Variants in SLC28A2 observed in about 807,000 individuals in gnomAD.
The protein encoded by SLC28A2 is sodium/nucleoside cotransporter 2.
Under a neutral mutation model 72.9 loss-of-function variants are expected in SLC28A2, and 69 were observed. That is an observed-to-expected ratio of 0.95 (90% confidence interval 0.78 to 1.16). The LOEUF is 1.16. Ranked by LOEUF, SLC28A2 falls within the 50% of genes most tolerant of loss-of-function variation. The pLI is 0.00. For synonymous variants in SLC28A2, 296 were observed against 294.1 expected, an observed-to-expected ratio of 1.01 and a Z score of -0.07; for missense variants, 745 against 791.1, an observed-to-expected ratio of 0.94 and a Z score of 0.70.
Position 45,253,447 on chromosome 15 carries a change from C to G in SLC28A2, c.97C>G (p.Pro33Ala). ...GLELMEKEVE[P>A]EGSKRTDAQG... ...GTGCTTGTAGGAAAAAGAAGTAGAG[C>G]CTGAGGGAAGCAAGAGGACTGACGC... The change falls in exon 3 of 18, where the codon CCT (proline) becomes GCT (alanine). Residue 33 changes from proline (P) to alanine (A), a missense_variant. By Grantham distance (27) the Pro-to-Ala change is conservative. Coordinates refer to ENST00000347644, the MANE Select transcript of SLC28A2 (RefSeq NM_004212.4). The G allele has an allele frequency of 1.2e-6, 2 of 1,613,574 alleles. No individual in the cohort carries two copies. Among genetic ancestry groups the G allele is most frequent in the South Asian group, 2.2e-5 (2 of 91,064 alleles).
Position 45,263,229 on chromosome 15 carries a change from G to A in SLC28A2, c.431G>A (p.Arg144Lys), listed in dbSNP as rs1417298785. The change falls in exon 5 of 18, where the codon AGG becomes AAG. Residue 144 changes from arginine (R) to lysine (K), a missense_variant. Coordinates refer to ENST00000347644, the MANE Select transcript of SLC28A2 (RefSeq NM_004212.4). ...CLKPFENSRL[R>K]LWTKWVFAGV... is the part of the protein sequence containing the mutation. ...AAGCCCTTTGAAAACTCCCGCCTGA[G>A]GCTTTGGACGAAATGGTAAGATAAG... The A allele has an allele frequency of 3.7e-6, 6 of 1,613,482 alleles. No individual in the cohort carries two copies. In the African/African-American group the frequency reaches 8.0e-5, roughly 22 times the overall value.
rs370809865 is a variant in SLC28A2, at chr15:45,253,432, G to A, written c.82G>A (p.Glu28Lys). 7 of 1,613,092 alleles carry A rather than the reference G, an allele frequency of 4.3e-6. No homozygotes were observed. Among genetic ancestry groups the A allele is most frequent in the Non-Finnish European group, 5.9e-6 (7 of 1,179,060 alleles). ...GTVNPGLELM[E>K]KEVEPEGSKR... ...ATCCCAATGCTCTCTGTGCTTGTAG[G>A]AAAAAGAAGTAGAGCCTGAGGGAAG... Residue 28 changes from glutamate (E) to lysine (K), a missense_variant and splice_region_variant, in exon 3 of 18, where the codon GAA becomes AAA. Glu to Lys is a moderately conservative substitution (Grantham distance 56). Transcript: ENST00000347644.
chr15:45,271,181 T>G (rs1315966270), intron 15 of SLC28A2, among the ~76,000 whole-genome samples: 2 of 152,150 alleles, frequency 1.3e-5, no homozygotes, highest in Non-Finnish European at 1.5e-5. Context: ...GGGTGATTGT[T>G]GGAGGAATAA....
rs2140555339 is a variant in SLC28A2 at position 45,253,419 on chromosome 15, T to C, written c.82-13T>C. On this transcript the variant is annotated splice_polypyrimidine_tract_variant and intron_variant, in intron 2 of 17. Coordinates refer to ENST00000347644, the MANE Select transcript of SLC28A2 (RefSeq NM_004212.4). The stretch of plus-strand genomic sequence containing the variant: ...GGCTCCATGACTGATCCCAATGCTC[T>C]CTGTGCTTGTAGGAAAAAGAAGTAG... 1 of 1,610,438 alleles carries C rather than the reference T, an allele frequency of 6.2e-7. No individual in the cohort carries two copies. Among genetic ancestry groups the C allele is most frequent in the Non-Finnish European group, 8.5e-7 (1 of 1,176,696 alleles).
chr15:45,256,007 C>T (rs1410824345), intron 3 of SLC28A2: 1 of 152,070 alleles, frequency 6.6e-6, no homozygotes, highest in African/African-American at 2.4e-5. Flanking sequence ...CCCTGTAAAA[C>T]AAGAATAATA....
chr15:45,266,470 G>T (rs1055282431), intron 10 of SLC28A2, among the ~76,000 whole-genome samples: 7 of 152,282 alleles, frequency 4.6e-5, no homozygotes, highest in Admixed American at 4.6e-4. Context: ...AGGCTATGAA[G>T]GGTGTTTGAT....
At position 45,275,717 on chromosome 15, in the gene SLC28A2, CA is replaced by C. The variant is rs1900735336; in HGVS notation, c.*206del. ...TTGGGAGGCCGAGGCGGGCGGATCA[CA>C]AGGTCAGGAGATCGAGACCATCCTG... On this transcript the variant is annotated 3_prime_UTR_variant, in exon 18 of 18. Coordinates refer to ENST00000347644, the MANE Select transcript of SLC28A2 (RefSeq NM_004212.4). The C allele has an allele frequency of 2.1e-6, 1 of 477,158 alleles. No homozygotes were observed. Among genetic ancestry groups the C allele is most frequent in the African/African-American group, 2.0e-5 (1 of 50,324 alleles). The allele number at this position is 477,158 out of a possible 1,614,324, so 29.6% of individuals were successfully genotyped here.
At chr15:45,272,576 C>G in intron 16 of SLC28A2, 97 bp from the exon 17 acceptor site, 1 of 852,882 alleles carries the variant, frequency 1.2e-6, no homozygotes, top group Non-Finnish European at 2.0e-6. Flanking sequence ...GCAAAGGCAC[C>G]TAATCAAGAG....
chr15:45,263,300 T>C (rs1900222171), intron 5 of SLC28A2, 56 bp downstream of exon 5: 3 of 1,552,860 alleles, frequency 1.9e-6, no homozygotes, highest in Non-Finnish European at 2.6e-6. Flanking sequence ...CACCTCCTTT[T>C]TTCTCTTTTG....
At chr15:45,261,304 C>T (rs1900153776) in intron 3 of SLC28A2, among the ~76,000 whole-genome samples, 3 of 151,834 alleles carry the variant, frequency 2.0e-5, no homozygotes, top group Admixed American at 1.3e-4. Context: ...ATTCTGTGTT[C>T]GCTCCTTACA....
In SLC28A2 at chr15:45,252,523, A is replaced by G. The variant is rs1227964929; in HGVS notation, c.-17+245A>G. 2.6e-5 allele frequency among the ~76,000 whole-genome samples: 4 copies of G among 152,256 alleles called. 1 individual carries two copies. Among genetic ancestry groups the G allele is most frequent in the South Asian group, 4.1e-4 (2 of 4,836 alleles). ...AATAAATATCTCAGAATGAACTTAT[A>G]TTCTAATTGTGAATGTCCATGTATT... On this transcript the variant is annotated intron_variant, in intron 1 of 17. Transcript: ENST00000347644.
At chr15:45,264,585 A>T in intron 6 of SLC28A2, 70 bp from the exon 7 acceptor site, 2 of 1,032,090 alleles carry the variant, frequency 1.9e-6, no homozygotes. Context: ...CCCAGAGTAC[A>T]TGTTTAAAAC....
Position 45,265,591 on chromosome 15 carries a change from A to T in SLC28A2, c.789A>T (p.Pro263=). ...VKDVFAFQAL[P]IIIFFGCVVS... Reference sequence around the variant, plus strand: ...TACCATTCTCATTACAGGCCTTACCAATCATCATTTTCTTTGGATGTGTGG... The same window carrying T: ...TACCATTCTCATTACAGGCCTTACCTATCATCATTTTCTTTGGATGTGTGG... Residue 263 remains proline, a synonymous_variant, in exon 9 of 18, where the codon CCA becomes CCT. Transcript: ENST00000347644. The T allele has an allele frequency of 6.2e-7, 1 of 1,612,278 alleles. No homozygotes were observed. The highest frequency in any genetic ancestry group is 8.5e-7 in the Non-Finnish European group (1 of 1,178,378).
intron 7 of SLC28A2, 97 bp from the exon 8 acceptor site, chr15:45,264,992 C>T: frequency 2.1e-6 from 2 of 974,930 alleles, no homozygotes; most frequent in South Asian, 1.3e-5. Flanking sequence ...TCAGTAGCAA[C>T]AGTAGGTCCT....
At chr15:45,260,952 A>T (rs1900143714) in intron 3 of SLC28A2, among the ~76,000 whole-genome samples, 1 of 152,050 alleles carries the variant, frequency 6.6e-6, no homozygotes, top group Non-Finnish European at 1.5e-5. Flanking sequence ...ACAGGAGGGG[A>T]TGGGGGCAGG....
At chr15:45,257,484 G>T (rs1226473975) in intron 3 of SLC28A2, among the ~76,000 whole-genome samples, 2 of 152,086 alleles carry the variant, frequency 1.3e-5, no homozygotes, top group Non-Finnish European at 2.9e-5. Context: ...TACTTAAAAT[G>T]CCATAACATT....
At chr15:45,273,686 T>C (rs143518191) in intron 17 of SLC28A2, among the ~76,000 whole-genome samples, 88 of 152,342 alleles carry the variant, frequency 5.8e-4, no homozygotes, top group African/African-American at 2.1e-3. Flanking sequence ...CCTGCTGTAA[T>C]AGTCCTAGTG....
intron 3 of SLC28A2, among the ~76,000 whole-genome samples, chr15:45,258,220 C>T (rs1595672056): frequency 1.3e-5 from 2 of 151,642 alleles, no homozygotes; most frequent in East Asian, 3.8e-4. Context: ...GACTCCGTCT[C>T]AAAAATATAT....
In SLC28A2 at chr15:45,277,769, T is replaced by A. The variant is rs1304891984; in HGVS notation, c.*2256T>A. On this transcript the variant is annotated 3_prime_UTR_variant, in exon 18 of 18. Transcript: ENST00000347644. ...TGGTTGTGCAACATTGTGAATATTA[T>A]GTCACTGAATTGTTCACTTTAAAAT... 1 of 121,592 alleles carries A rather than the reference T, an allele frequency of 8.2e-6. No individual in the cohort carries two copies. Among genetic ancestry groups the A allele is most frequent in the Non-Finnish European group, 1.9e-5 (1 of 52,636 alleles). The allele number at this position is 121,592 out of a possible 1,614,324, so 7.5% of individuals were successfully genotyped here.
Sources: allele counts gnomAD v4.1 joint callset (sites outside exome capture counted in the v4.1 genomes callset), GRCh38; gene constraint gnomAD v4.1.1; transcripts MANE v1.5; gene names NCBI Gene and HGNC (gene_info 2026-07-23, HGNC 2026-07-21).